CPNE8: variants seen among roughly 807,000 people sequenced by gnomAD.
CPNE8 encodes copine 8.
In CPNE8, 45 loss-of-function variants were observed where a neutral mutation model predicts 81.5. The observed-to-expected ratio is 0.55, with a 90% CI of 0.44 to 0.71. CPNE8 has a LOEUF of 0.71. CPNE8 is among the 30% of genes least tolerant of loss of function. CPNE8 has a pLI of 0.00. For synonymous variants in CPNE8, 252 were observed against 226.3 expected (o/e 1.11, Z -1.02); for missense variants, 594 against 672.1 (o/e 0.88, Z 1.28).
At chr12:38,721,870 T>G (rs921582169) in intron 13 of CPNE8, among the ~76,000 whole-genome samples, 1 of 152,190 alleles carries the variant, frequency 6.6e-6, no homozygotes, top group African/African-American at 2.4e-5. Context: ...GGAGAGCTGG[T>G]ACCTATGCCA....
At chr12:38,774,348 CTTTT>C in intron 7 of CPNE8, among the ~76,000 whole-genome samples, 1 of 152,170 alleles carries the variant, frequency 6.6e-6, no homozygotes, top group African/African-American at 2.4e-5. Flanking sequence ...TGTGAACTTC[CTTTT>C]TTCTTTCCTC....
chr12:38,738,682 G>A (rs1941009651), intron 10 of CPNE8, among the ~76,000 whole-genome samples: 1 of 151,906 alleles, frequency 6.6e-6, no homozygotes, highest in Non-Finnish European at 1.5e-5. Context: ...GCGGGGGATT[G>A]GGTACACATT....
At chr12:38,839,424 G>A (rs1479357388) in intron 5 of CPNE8, among the ~76,000 whole-genome samples, 1 of 151,936 alleles carries the variant, frequency 6.6e-6, no homozygotes, top group African/African-American at 2.4e-5. Flanking sequence ...GTGACTTGAG[G>A]ACAGAGATTA....
At chr12:38,892,718 C>T (rs1353819426) in intron 1 of CPNE8, among the ~76,000 whole-genome samples, 2 of 152,214 alleles carry the variant, frequency 1.3e-5, no homozygotes, top group Non-Finnish European at 2.9e-5. Context: ...GCACACAAGA[C>T]TGAATCCATC....
intron 10 of CPNE8, among the ~76,000 whole-genome samples, chr12:38,733,892 A>G (rs1339117427): frequency 2.0e-5 from 3 of 152,038 alleles, no homozygotes; most frequent in African/African-American, 7.2e-5. Flanking sequence ...TTATACCTGA[A>G]ACCTGTAGGA....
At chr12:38,698,334 A>AT (rs1939847978) in intron 14 of CPNE8, among the ~76,000 whole-genome samples, 1 of 152,082 alleles carries the variant, frequency 6.6e-6, no homozygotes. Flanking sequence ...ATTTGCGAAC[A>AT]TTTTTTCCAT....
intron 6 of CPNE8, among the ~76,000 whole-genome samples, chr12:38,808,711 A>T (rs906893822): frequency 1.3e-5 from 2 of 151,836 alleles, no homozygotes; most frequent in Non-Finnish European, 2.9e-5. Context: ...TATGTAACTA[A>T]CCTGCACATT....
At chr12:38,749,358 A>T (rs1941304457) in intron 10 of CPNE8, among the ~76,000 whole-genome samples, 1 of 150,678 alleles carries the variant, frequency 6.6e-6, no homozygotes, top group African/African-American at 2.5e-5. Flanking sequence ...GCCTGAAAAC[A>T]GGCTAATACA....
At chr12:38,795,921 A>T (rs146889486) in intron 6 of CPNE8, among the ~76,000 whole-genome samples, 1 of 150,766 alleles carries the variant, frequency 6.6e-6, no homozygotes, top group African/African-American at 2.4e-5. Flanking sequence ...ATACAACATG[A>T]CCAGTTGAGG....
At chr12:38,792,011 T>TAAA (rs567385045) in intron 6 of CPNE8, among the ~76,000 whole-genome samples, 24 of 139,984 alleles carry the variant, frequency 1.7e-4, no homozygotes, top group East Asian at 1.2e-3. Flanking sequence ...TAGGAGAAAT[T>TAAA]AAAAAAAAAA....
chr12:38,768,243 T>G (rs771008031), intron 7 of CPNE8, among the ~76,000 whole-genome samples: 16 of 152,024 alleles, frequency 1.1e-4, no homozygotes, highest in Non-Finnish European at 1.8e-4. Context: ...GTTCCTACTT[T>G]CTTAATCATA....
intron 10 of CPNE8, among the ~76,000 whole-genome samples, chr12:38,754,535 T>C (rs1300536409): frequency 6.6e-6 from 1 of 151,946 alleles, no homozygotes; most frequent in Non-Finnish European, 1.5e-5. Flanking sequence ...TCAATAACAA[T>C]TTCTTCATAA....
chr12:38,753,541 A>C (rs1941394644), intron 10 of CPNE8, among the ~76,000 whole-genome samples: 1 of 152,184 alleles, frequency 6.6e-6, no homozygotes, highest in Admixed American at 6.5e-5. Context: ...GTAACATAGC[A>C]AGAAGCTACT....
chr12:38,754,673 T>C (rs1941422940), intron 10 of CPNE8, among the ~76,000 whole-genome samples: 1 of 151,842 alleles, frequency 6.6e-6, no homozygotes, highest in Non-Finnish European at 1.5e-5. Flanking sequence ...GCAAGAATTA[T>C]AGATTAAAGT....
intron 1 of CPNE8, among the ~76,000 whole-genome samples, chr12:38,883,567 T>A (rs1831542934): frequency 6.6e-6 from 1 of 152,192 alleles, no homozygotes; most frequent in African/African-American, 2.4e-5. Flanking sequence ...TTCTCCTGGG[T>A]ATCAACTGTT....
At chr12:38,789,366 C>A (rs1174034900) in intron 6 of CPNE8, among the ~76,000 whole-genome samples, 1 of 151,614 alleles carries the variant, frequency 6.6e-6, no homozygotes, top group African/African-American at 2.4e-5. Context: ...ACAGTCTGTT[C>A]AATAAATGGT....
intron 15 of CPNE8, among the ~76,000 whole-genome samples, chr12:38,691,527 A>C (rs1161011392): frequency 6.6e-6 from 1 of 152,126 alleles, no homozygotes; most frequent in Non-Finnish European, 1.5e-5. Flanking sequence ...GTGCTTTGAA[A>C]ATTTTAAAGT....
chr12:38,720,911 C>T (rs1296179997), intron 13 of CPNE8: 2 of 152,618 alleles, frequency 1.3e-5, no homozygotes, highest in South Asian at 2.1e-4. Context: ...GCTGCCCCCT[C>T]GCATTTCCCC....
rs148562663 is a variant in CPNE8 at position 38,783,293 on chromosome 12, G to A, written c.408-6992C>T. 1.1e-3 allele frequency among the ~76,000 whole-genome samples: 160 copies of A among 152,184 alleles called. 1 individual carries two copies. The highest frequency in any genetic ancestry group is 3.6e-3 in the African/African-American group (148 of 41,520). On this transcript the variant is annotated intron_variant, in intron 6 of 19. Coordinates refer to ENST00000331366, the MANE Select transcript of CPNE8 (RefSeq NM_153634.3). ...ACAACTATCTATACACACACACAAA[G>A]CATCTTCATAAGAACTGAAAATCAG... is the stretch of plus-strand genomic sequence containing the variant.
Sources: allele counts gnomAD v4.1 joint callset (sites outside exome capture counted in the v4.1 genomes callset), GRCh38; gene constraint gnomAD v4.1.1; transcripts MANE v1.5; gene names NCBI Gene and HGNC (gene_info 2026-07-23, HGNC 2026-07-21).